VWF: variants seen among roughly 807,000 people sequenced by gnomAD.
VWF encodes Factor VIII related antigen.
In VWF, 176 loss-of-function variants were observed where a neutral mutation model predicts 308.6. That is an observed-to-expected ratio of 0.57 (90% CI 0.50 to 0.65). VWF has a LOEUF of 0.65. VWF is among the 30% of genes least tolerant of loss of function. The probability of loss-of-function intolerance (pLI) is 0.00; values close to 1 mark genes in which losing one functional copy is unlikely to be tolerated. For missense variants in VWF, 3,146 were observed against 3,648.2 expected, an observed-to-expected ratio of 0.86 and a Z score of 3.55; for synonymous variants, 1,385 against 1,443.4, an observed-to-expected ratio of 0.96 and a Z score of 0.92.
chr12:5,971,369 G>A lies in VWF; in HGVS notation c.7548+230C>T, dbSNP rs185019243. ...TGAATGAGAGAGCATGAATCCCCCT[G>A]GGAGGGCCCTGGGCTTCTCCCAAAA... On this transcript the variant is annotated intron_variant, in intron 44 of 51. Transcript: ENST00000261405. Among the ~76,000 whole-genome samples, 10 of 152,306 alleles carry A rather than the reference G, an allele frequency of 6.6e-5. 1 individual carries two copies. Among genetic ancestry groups the A allele is most frequent in the South Asian group, 2.1e-4 (1 of 4,826 alleles).
intron 37 of VWF, among the ~76,000 whole-genome samples, chr12:5,992,976 A>C (rs1253561465): frequency 6.6e-6 from 1 of 152,200 alleles, no homozygotes; most frequent in Non-Finnish European, 1.5e-5. Flanking sequence ...TAAGGAACCT[A>C]CAGGTTATCT....
At chr12:5,984,930 A>C in intron 40 of VWF, 115 bp downstream of exon 40, 1 of 1,149,810 alleles carries the variant, frequency 8.7e-7, no homozygotes, top group Non-Finnish European at 1.3e-6. Context: ...GTCCTTACCC[A>C]CCTCCTTTCA....
chr12:6,048,847 T>A (rs924003372), intron 16 of VWF, among the ~76,000 whole-genome samples: 1 of 152,222 alleles, frequency 6.6e-6, no homozygotes, highest in Non-Finnish European at 1.5e-5. Context: ...CCCTTCCCTT[T>A]CTGAGCACGT....
intron 18 of VWF, among the ~76,000 whole-genome samples, chr12:6,041,289 G>A (rs1174491148): frequency 6.6e-6 from 1 of 151,630 alleles, no homozygotes; most frequent in African/African-American, 2.4e-5. Context: ...AATCAGCTGG[G>A]TGTGGTCGTG....
intron 47 of VWF, among the ~76,000 whole-genome samples, chr12:5,962,973 T>G (rs1943337012): frequency 6.6e-6 from 1 of 152,228 alleles, no homozygotes; most frequent in Admixed American, 6.5e-5. Context: ...CATTTAAAAT[T>G]TATTCCTCAT....
At chr12:5,995,933 C>T in intron 35 of VWF, 69 bp downstream of exon 35, 1 of 1,490,926 alleles carries the variant, frequency 6.7e-7, no homozygotes, top group Non-Finnish European at 9.2e-7. Context: ...AAAGCAACTG[C>T]CACCAGGTCC....
intron 3 of VWF, among the ~76,000 whole-genome samples, chr12:6,118,353 C>T (rs1945391869): frequency 6.7e-6 from 1 of 148,794 alleles, no homozygotes; most frequent in Non-Finnish European, 1.5e-5. Flanking sequence ...TGCAGTGTCT[C>T]CATCAAAATC....
At position 6,036,370 on chromosome 12, in the gene VWF, C is replaced by A. The variant is rs769665356; in HGVS notation, c.2546+18G>T. On this transcript the variant is annotated intron_variant, in intron 19 of 51. Transcript: ENST00000261405. The stretch of plus-strand genomic sequence containing the variant: ...CGCAGGGCCTGGGTCCCCGGCGCAG[C>A]CCCTCACTGAGCCTCACCAAGTGTT... 2.5e-6 allele frequency: 4 copies of A among 1,611,764 alleles called. No homozygotes were observed. In the East Asian group the frequency reaches 8.9e-5, roughly 36 times the overall value.
At chr12:5,964,851 A>G (rs1378261661) in intron 47 of VWF, among the ~76,000 whole-genome samples, 1 of 152,180 alleles carries the variant, frequency 6.6e-6, no homozygotes, top group Non-Finnish European at 1.5e-5. Context: ...TTGGAAGAAA[A>G]GGGAAAGGAG....
At chr12:5,960,335 T>C (rs946468711) in intron 47 of VWF, among the ~76,000 whole-genome samples, 2 of 152,094 alleles carry the variant, frequency 1.3e-5, no homozygotes, top group African/African-American at 4.8e-5. Context: ...AAAATCCGTT[T>C]TTTTATTTTA....
rs975704795 is a variant in VWF at position 6,020,866 on chromosome 12, G to A, written c.3674+1034C>T. 6.6e-5 allele frequency among the ~76,000 whole-genome samples: 10 copies of A among 152,214 alleles called. No homozygotes were observed. The highest frequency in any genetic ancestry group is 2.4e-4 in the African/African-American group (10 of 41,432). ...TGCACCGTGGCAGCTGCCCCTGCCC[G>A]TGTGCCAGCAAAGGAGGTGGGGAGA... On this transcript the variant is annotated intron_variant, in intron 27 of 51. Transcript: ENST00000261405. This position sits in a 1 kb window ranked among gnomAD's most constrained non-coding sequence, Gnocchi z 4.3.
Position 5,976,243 on chromosome 12 carries a change from G to A in VWF, c.7305C>T (p.Ser2435=). ...CLPDKVCVHR[S]TIYPVGQFWE... is the part of the protein sequence containing the mutation. ...AGAACTGGCCCACAGGGTAGATGGT[G>A]CTTCGGTGGACACACACCTGTAGAC... The change falls in exon 43 of 52, where the codon AGC becomes AGT. Residue 2435 remains serine, a synonymous_variant. Transcript: ENST00000261405. 6.2e-7 allele frequency: 1 copy of A among 1,614,168 alleles called. No individual in the cohort carries two copies. Among genetic ancestry groups the A allele is most frequent in the East Asian group, 2.2e-5 (1 of 44,868 alleles).
chr12:6,089,653 G>A (rs1306598514), intron 6 of VWF, among the ~76,000 whole-genome samples: 1 of 152,128 alleles, frequency 6.6e-6, no homozygotes, highest in Non-Finnish European at 1.5e-5. Context: ...CTCCCACTCA[G>A]TATGGATAAA....
chr12:6,115,870 G>A (rs569615198), intron 3 of VWF, among the ~76,000 whole-genome samples: 8 of 152,246 alleles, frequency 5.3e-5, no homozygotes, highest in South Asian at 4.1e-4. Context: ...AAACCACCCC[G>A]ACTGAGAACC....
chr12:6,077,778 T>C (rs1944863138), intron 6 of VWF, among the ~76,000 whole-genome samples: 1 of 152,116 alleles, frequency 6.6e-6, no homozygotes, highest in African/African-American at 2.4e-5. Context: ...CTGAGCATTT[T>C]ACACAAGGGG....
chr12:5,968,019 C>A, intron 46 of VWF, 108 bp downstream of exon 46: 1 of 1,511,622 alleles, frequency 6.6e-7, no homozygotes, highest in Non-Finnish European at 9.1e-7. Context: ...GGTTGGGTCT[C>A]TCTGGTTTCC....
chr12:6,058,562 G>C lies in VWF; in HGVS notation c.1534-518C>G, dbSNP rs114914538. Among the ~76,000 whole-genome samples, 165 of 152,216 alleles carry C rather than the reference G, an allele frequency of 1.1e-3. No homozygotes were observed. Among genetic ancestry groups the C allele is most frequent in the African/African-American group, 3.5e-3 (144 of 41,536 alleles). On this transcript the variant is annotated intron_variant, in intron 13 of 51. Transcript: ENST00000261405. This position sits in a 1 kb window ranked among gnomAD's most constrained non-coding sequence, Gnocchi z 4.9. ...CTGCCAGGTGTGGTCCAAGCCCTCC[G>C]GGAGCTCACGGTTAATGACAAGAAA...
chr12:6,118,641 C>A (rs1945395983), intron 3 of VWF, among the ~76,000 whole-genome samples: 1 of 152,086 alleles, frequency 6.6e-6, no homozygotes, highest in South Asian at 2.1e-4. Context: ...CCCCCCTCGG[C>A]CTCCCAAAGT....
chr12:5,969,681 G>T (rs1218829694), intron 44 of VWF, among the ~76,000 whole-genome samples: 1 of 152,242 alleles, frequency 6.6e-6, no homozygotes, highest in Non-Finnish European at 1.5e-5. Flanking sequence ...GCTGAGCTCA[G>T]ATACTCCGGC....
Sources: allele counts gnomAD v4.1 joint callset (sites outside exome capture counted in the v4.1 genomes callset), GRCh38; gene constraint gnomAD v4.1.1; non-coding constraint Gnocchi (gnomAD v3.1); transcripts MANE v1.5; gene names NCBI Gene and HGNC (gene_info 2026-07-23, HGNC 2026-07-21).